Variants in WFDC9 observed in about 807,000 individuals in gnomAD.
The protein encoded by WFDC9 is protein WFDC9.
In WFDC9, 9 loss-of-function variants were observed where a neutral mutation model predicts 9.5. The observed-to-expected ratio is 0.95, with a 90% confidence interval of 0.57 to 1.65. The LOEUF is 1.65. Ranked by LOEUF, WFDC9 falls within the 40% of genes most tolerant of loss-of-function variation. The pLI, the probability that WFDC9 is intolerant of heterozygous loss-of-function variation, is 0.00. For missense variants in WFDC9, 87 were observed against 106.7 expected (o/e 0.82, Z 0.81); for synonymous variants, 33 against 32.3 (o/e 1.02, Z -0.07).
chr20:45,615,188 G>C (rs563136334), intron 1 of WFDC9, among the ~76,000 whole-genome samples: 108 of 152,326 alleles, frequency 7.1e-4, no homozygotes, highest in African/African-American at 2.5e-3. Flanking sequence ...TTTAGAAAAA[G>C]TAGATGACCA....
chr20:45,619,824 A>T (rs970713454), intron 1 of WFDC9, among the ~76,000 whole-genome samples: 2 of 152,190 alleles, frequency 1.3e-5, no homozygotes, highest in African/African-American at 4.8e-5. Flanking sequence ...CAGGAGTTTG[A>T]GAACAGCCTG....
chr20:45,619,679 A>G (rs1433959124), intron 1 of WFDC9, among the ~76,000 whole-genome samples: 1 of 152,244 alleles, frequency 6.6e-6, no homozygotes, highest in Non-Finnish European at 1.5e-5. Flanking sequence ...AACAATGATT[A>G]TAATCATTCA....
intron 4 of WFDC9, 56 bp from the exon 5 acceptor site, chr20:45,608,196 AAT>A (rs1205603571): frequency 1.3e-6 from 2 of 1,551,900 alleles, no homozygotes; most frequent in Non-Finnish European, 1.8e-6. Context: ...CCATTTCTAA[AAT>A]TAATAGCATC....
rs1213718187 is a variant in WFDC9, at chr20:45,608,056, T to C, written c.*54A>G. The C allele has an allele frequency of 6.2e-7, 1 of 1,606,084 alleles. No homozygotes were observed. The highest frequency in any genetic ancestry group is 1.7e-5 in the Admixed American group (1 of 59,422). On this transcript the variant is annotated 3_prime_UTR_variant, in exon 5 of 5. Coordinates refer to ENST00000326000, the MANE Select transcript of WFDC9 (RefSeq NM_147198.4). Reference sequence around the variant, plus strand: ...CCCAAGAAGGAAGTAGGCAGCACTCTTCTTAGACCAGATGGTCATCCTTCA... The same window carrying C: ...CCCAAGAAGGAAGTAGGCAGCACTCCTCTTAGACCAGATGGTCATCCTTCA...
chr20:45,609,261 C>A (rs948980296), intron 3 of WFDC9, among the ~76,000 whole-genome samples: 1 of 150,300 alleles, frequency 6.7e-6, no homozygotes, highest in East Asian at 2.0e-4. Flanking sequence ...TGGAGTGCAA[C>A]GGCATGATCT....
intron 1 of WFDC9, among the ~76,000 whole-genome samples, chr20:45,623,871 CTG>C (rs1383077491): frequency 6.6e-6 from 1 of 152,128 alleles, no homozygotes; most frequent in African/African-American, 2.4e-5. Flanking sequence ...CTTATTCCTC[CTG>C]TCTAGCTATG....
chr20:45,608,141 C>G lies in WFDC9; in HGVS notation c.240-1G>C, dbSNP rs1292403510. Reference sequence around the variant, plus strand: ...GTTTAGCATTGATTTAAGGGGCTCTCTAGAAGAGAAAAGTTAGTCAAAAGT... The same window carrying G: ...GTTTAGCATTGATTTAAGGGGCTCTGTAGAAGAGAAAAGTTAGTCAAAAGT... On this transcript the variant is annotated splice_acceptor_variant, in intron 4 of 4. Coordinates refer to ENST00000326000, the MANE Select transcript of WFDC9 (RefSeq NM_147198.4). LOFTEE classifies it high-confidence loss of function. The G allele has an allele frequency of 1.2e-6, 2 of 1,611,550 alleles. No individual in the cohort carries two copies. The highest frequency in any genetic ancestry group is 1.7e-5 in the Admixed American group (1 of 59,192).
At chr20:45,610,647 G>C (rs1454084513) in intron 2 of WFDC9, among the ~76,000 whole-genome samples, 3 of 152,152 alleles carry the variant, frequency 2.0e-5, no homozygotes, top group African/African-American at 7.2e-5. Context: ...TATGAAACAT[G>C]ATGATGTAAA....
intron 1 of WFDC9, among the ~76,000 whole-genome samples, chr20:45,618,464 G>A (rs754725758): frequency 6.6e-6 from 1 of 152,188 alleles, no homozygotes; most frequent in African/African-American, 2.4e-5. Context: ...CTGTTAACAT[G>A]CCTTCCTCAC....
In WFDC9 at chr20:45,631,093, A is replaced by T. The variant is rs1982359203; in HGVS notation, c.-153+110T>A. On this transcript the variant is annotated intron_variant, in intron 1 of 4. Coordinates refer to ENST00000326000, the MANE Select transcript of WFDC9 (RefSeq NM_147198.4). Reference sequence around the variant, plus strand: ...AAGACTGTGCCCACATCCGAAGCACAAGGACCTCAAGTCACCAGCATAAGA... The same window carrying T: ...AAGACTGTGCCCACATCCGAAGCACTAGGACCTCAAGTCACCAGCATAAGA... The T allele has an allele frequency of 3.4e-6, 5 of 1,452,128 alleles. No homozygotes were observed. The South Asian group carries it at 6.2e-5, about 18-fold the overall frequency. The allele number at this position is 1,452,128 out of a possible 1,614,324, so 90.0% of individuals were successfully genotyped here.
chr20:45,613,988 G>C (rs1285504223), intron 2 of WFDC9, among the ~76,000 whole-genome samples: 1 of 152,168 alleles, frequency 6.6e-6, no homozygotes, highest in Admixed American at 6.5e-5. Flanking sequence ...GATATACAGT[G>C]ACAGGAACAC....
At chr20:45,621,185 C>T (rs1038589195) in intron 1 of WFDC9, among the ~76,000 whole-genome samples, 9 of 152,168 alleles carry the variant, frequency 5.9e-5, no homozygotes, top group African/African-American at 1.7e-4. Flanking sequence ...TCCACATAGA[C>T]TTAAAGATTT....
chr20:45,610,466 T>C (rs1322891411), intron 2 of WFDC9, among the ~76,000 whole-genome samples: 1 of 152,106 alleles, frequency 6.6e-6, no homozygotes, highest in African/African-American at 2.4e-5. Flanking sequence ...TTAAAAACAA[T>C]AAATCCTCAG....
chr20:45,617,773 A>AC lies in WFDC9; in HGVS notation c.-152-3053dup, dbSNP rs1982005077. Among the ~76,000 whole-genome samples the AC allele has an allele frequency of 3.9e-5, 6 of 152,312 alleles. No homozygotes were observed. In the South Asian group the frequency reaches 1.2e-3, roughly 32 times the overall value. ...TGAGTAGCTGAAAGTATAGGTGTGC[A>AC]CCATCATGCCTGACTAATAGCCTAC... On this transcript the variant is annotated intron_variant, in intron 1 of 4. Transcript: ENST00000326000.
At chr20:45,627,395 T>C (rs1355868547) in intron 1 of WFDC9, among the ~76,000 whole-genome samples, 1 of 152,184 alleles carries the variant, frequency 6.6e-6, no homozygotes, top group Non-Finnish European at 1.5e-5. Flanking sequence ...GAAGAATTGG[T>C]ATTAATTTAT....
At chr20:45,626,415 C>A (rs1982220585) in intron 1 of WFDC9, among the ~76,000 whole-genome samples, 2 of 152,272 alleles carry the variant, frequency 1.3e-5, no homozygotes, top group African/African-American at 4.8e-5. Flanking sequence ...TTAACTCCTT[C>A]CATCCATGAG....
chr20:45,614,566 G>GCCCA (rs1981933227), intron 2 of WFDC9, 62 bp downstream of exon 2: 1 of 152,158 alleles, frequency 6.6e-6, no homozygotes, highest in African/African-American at 2.4e-5. Flanking sequence ...ATCTGGGCTA[G>GCCCA]GAATTAATCC....
chr20:45,611,994 G>A (rs1410495510), intron 2 of WFDC9, among the ~76,000 whole-genome samples: 1 of 152,074 alleles, frequency 6.6e-6, no homozygotes, highest in Admixed American at 6.6e-5. Flanking sequence ...TGGAGCCTGG[G>A]CCAGCCACAT....
intron 2 of WFDC9, among the ~76,000 whole-genome samples, chr20:45,610,629 T>C (rs1397724682): frequency 6.6e-6 from 1 of 152,226 alleles, no homozygotes; most frequent in Non-Finnish European, 1.5e-5. Flanking sequence ...ATATTTTATT[T>C]TGAAGCATAT....
Sources: allele counts gnomAD v4.1 joint callset (sites outside exome capture counted in the v4.1 genomes callset), GRCh38; gene constraint gnomAD v4.1.1; transcripts MANE v1.5; gene names NCBI Gene and HGNC (gene_info 2026-07-23, HGNC 2026-07-21).